DBNDD1: variants seen among roughly 807,000 people sequenced by gnomAD.
DBNDD1 encodes dysbindin domain-containing protein 1.
DBNDD1 carries 14 observed loss-of-function variants against 17.0 expected under a neutral mutation model. That is an observed-to-expected ratio of 0.82 (90% CI 0.54 to 1.29). DBNDD1 has a LOEUF of 1.29. Ranked by LOEUF, DBNDD1 falls within the 50% of genes most tolerant of loss-of-function variation. The pLI, the probability that DBNDD1 is intolerant of heterozygous loss-of-function variation, is 0.00. For synonymous variants in DBNDD1, 105 were observed against 102.0 expected (o/e 1.03, Z -0.18); for missense variants, 221 against 216.2 (o/e 1.02, Z -0.14).
intron 1 of DBNDD1, chr16:90,011,593 G>A: frequency 2.2e-6 from 1 of 448,220 alleles, no homozygotes; most frequent in South Asian, 1.6e-5. Context: ...CCTCCTGTCT[G>A]AGAAGCCGAG....
At chr16:90,013,942 T>C in intron 1 of DBNDD1, among the ~76,000 whole-genome samples, 1 of 150,098 alleles carries the variant, frequency 6.7e-6, no homozygotes, top group Admixed American at 6.6e-5. Flanking sequence ...GGGGGGGACA[T>C]GCATAAAGGC....
intron 1 of DBNDD1, among the ~76,000 whole-genome samples, chr16:90,016,176 GCT>G (rs558988990): frequency 1.5e-3 from 227 of 152,270 alleles, no homozygotes; most frequent in African/African-American, 4.9e-3. Context: ...AGAAGCATCA[GCT>G]CTAAGCGGCT....
chr16:90,011,630 A>G (rs2035557280), intron 1 of DBNDD1: 2 of 454,598 alleles, frequency 4.4e-6, no homozygotes, highest in South Asian at 3.1e-5. Context: ...GGCCCGTTTC[A>G]GGCCTGGGGG....
At chr16:90,009,843 G>T (rs2035517826) in intron 1 of DBNDD1, 10 of 1,011,436 alleles carry the variant, frequency 9.9e-6, no homozygotes, top group Admixed American at 2.4e-5. Context: ...CAGCCTCTTG[G>T]TCCCCTTCAA....
chr16:90,006,602 C>T (rs2035433002), intron 3 of DBNDD1, 110 bp from the exon 4 acceptor site: 7 of 1,364,038 alleles, frequency 5.1e-6, no homozygotes, highest in Non-Finnish European at 5.9e-6. Flanking sequence ...TGCTCTGCAC[C>T]AGCCCCCTGC....
rs2035411862 is a variant in DBNDD1, at chr16:90,005,834, G to A, written c.*501C>T. The A allele has an allele frequency of 6.3e-6, 1 of 159,226 alleles. No individual in the cohort carries two copies. Among genetic ancestry groups the A allele is most frequent in the South Asian group, 1.8e-4 (1 of 5,530 alleles). 9.9% of individuals were successfully genotyped at this position (159,226 alleles called of 1,614,324 possible). On this transcript the variant is annotated 3_prime_UTR_variant, in exon 4 of 4. Coordinates refer to ENST00000002501, the MANE Select transcript of DBNDD1 (RefSeq NM_001042610.3). ...TGTGTGCTTTGCTGGACAGCACATT[G>A]TCCCATTAGCCACTACCAAACCCGC...
chr16:90,012,710 C>T (rs527326705), intron 1 of DBNDD1, among the ~76,000 whole-genome samples: 1 of 151,914 alleles, frequency 6.6e-6, no homozygotes. Flanking sequence ...CCGTCTGCCT[C>T]GGCCTCCCAA....
chr16:90,009,832 C>T, intron 1 of DBNDD1: 1 of 937,566 alleles, frequency 1.1e-6, no homozygotes, highest in Non-Finnish European at 1.6e-6. Context: ...ATTTCCATGT[C>T]CAGCCTCTTG....
chr16:90,018,658 A>G (rs1011700130), intron 1 of DBNDD1, among the ~76,000 whole-genome samples: 1 of 151,774 alleles, frequency 6.6e-6, no homozygotes, highest in South Asian at 2.1e-4. Flanking sequence ...CCCGTTACCG[A>G]CTCCAAGGTC....
At chr16:90,011,584 C>T (rs1257050663) in intron 1 of DBNDD1, 4 of 445,388 alleles carry the variant, frequency 9.0e-6, no homozygotes, top group South Asian at 6.4e-5. Flanking sequence ...GCCCACCTGC[C>T]TCCTGTCTGA....
chr16:90,013,014 AG>A (rs771687275), intron 1 of DBNDD1, among the ~76,000 whole-genome samples: 12 of 151,870 alleles, frequency 7.9e-5, no homozygotes, highest in Non-Finnish European at 1.6e-4. Flanking sequence ...CCTCTCTGGC[AG>A]CCCCCTAATA....
At position 90,006,078 on chromosome 16, in the gene DBNDD1, C is replaced by G. The variant is rs115391895; in HGVS notation, c.*257G>C. On this transcript the variant is annotated 3_prime_UTR_variant, in exon 4 of 4. Transcript: ENST00000002501. ...GTAAGGCCACTGGGCTGTGCTTGTGCTGGGGCTCCCAGAGGCATCCGGGGG... is the reference window on the plus strand; with the variant it reads ...GTAAGGCCACTGGGCTGTGCTTGTGGTGGGGCTCCCAGAGGCATCCGGGGG... 3.3e-3 allele frequency: 1,573 copies of G among 472,398 alleles called. 13 individuals carry two copies. The highest frequency in any genetic ancestry group is 0.027 in the African/African-American group (1,416 of 51,982). The allele number at this position is 472,398 out of a possible 1,614,324, so 29.3% of individuals were successfully genotyped here.
rs114875348 is a variant in DBNDD1, at chr16:90,009,083, G to C, written c.179-159C>G. 1.0e-5 allele frequency: 12 copies of C among 1,186,514 alleles called. No homozygotes were observed. The Admixed American group carries it at 2.3e-4, about 22-fold the overall frequency. 73.5% of individuals were successfully genotyped at this position (1,186,514 alleles called of 1,614,324 possible). A position where few individuals can be genotyped will look rare whatever the true frequency, so the allele number is the denominator to read the frequency against. ...ACCGGCAGGATCTGATGAGTGTTGC[G>C]TATACTCATGACTAGAAGGCTTTCA... On this transcript the variant is annotated intron_variant, in intron 2 of 3. Transcript: ENST00000002501.
At chr16:90,015,360 G>A (rs2035623493) in intron 1 of DBNDD1, among the ~76,000 whole-genome samples, 2 of 152,186 alleles carry the variant, frequency 1.3e-5, no homozygotes, top group Admixed American at 6.5e-5. Flanking sequence ...GCATGCTCGT[G>A]GGTCCTCAAA....
chr16:90,012,356 T>C (rs1463378140), intron 1 of DBNDD1, among the ~76,000 whole-genome samples: 4 of 152,138 alleles, frequency 2.6e-5, no homozygotes, highest in Admixed American at 2.0e-4. Flanking sequence ...ATGAACTCCA[T>C]GGACACCCTT....
Position 90,005,075 on chromosome 16 carries a change from A to T in DBNDD1, c.*1260T>A, listed in dbSNP as rs1029378510. ...GGGAAGGAGACCTGGCTGAGGCAGGAACTGGGTTTGCCAGCAGTGCGGAGG... is the reference window on the plus strand; with the variant it reads ...GGGAAGGAGACCTGGCTGAGGCAGGTACTGGGTTTGCCAGCAGTGCGGAGG... On this transcript the variant is annotated 3_prime_UTR_variant, in exon 4 of 4. Transcript: ENST00000002501. 1 of 152,710 alleles carries T rather than the reference A, an allele frequency of 6.5e-6. No homozygotes were observed. The highest frequency in any genetic ancestry group is 1.5e-5 in the Non-Finnish European group (1 of 68,230). The allele number at this position is 152,710 out of a possible 1,614,324, so 9.5% of individuals were successfully genotyped here. A position where few individuals can be genotyped will look rare whatever the true frequency, so the allele number is the denominator to read the frequency against.
chr16:90,010,367 CTTTTTTT>C (rs34659525), intron 1 of DBNDD1, among the ~76,000 whole-genome samples: 2 of 123,794 alleles, frequency 1.6e-5, no homozygotes, highest in Non-Finnish European at 3.4e-5. Context: ...ACGTAACTAC[CTTTTTTT>C]TTTTTTTTTT....
At chr16:90,017,091 G>A (rs895100483) in intron 1 of DBNDD1, among the ~76,000 whole-genome samples, 3 of 152,336 alleles carry the variant, frequency 2.0e-5, no homozygotes, top group African/African-American at 7.2e-5. Flanking sequence ...CCTCAGAGAG[G>A]GCACAGGTCA....
intron 1 of DBNDD1, among the ~76,000 whole-genome samples, chr16:90,017,777 A>T (rs2035667590): frequency 6.6e-6 from 1 of 152,198 alleles, no homozygotes; most frequent in Non-Finnish European, 1.5e-5. Flanking sequence ...GCAGACAAGG[A>T]AACAGGAGTT....
Sources: gnomAD v4.1 joint callset for allele counts (sites outside exome capture counted in the v4.1 genomes callset) on GRCh38, gnomAD v4.1.1 for gene constraint, MANE v1.5 for transcripts, NCBI Gene and HGNC (gene_info 2026-07-23, HGNC 2026-07-21) for gene names.